CABP1: variants seen among roughly 807,000 people sequenced by gnomAD.
CABP1 encodes calcium binding protein 1.
CABP1 carries 17 observed loss-of-function variants against 34.3 expected under a neutral mutation model. The ratio of observed to expected loss-of-function variants is 0.50; its 90% CI spans 0.34 to 0.74. The LOEUF (loss-of-function observed/expected upper bound fraction) is 0.74. Ranked by LOEUF, CABP1 falls within the 30% of genes least tolerant of loss-of-function variation. CABP1 has a pLI of 0.01. For missense variants in CABP1, 373 were observed against 511.1 expected, an observed-to-expected ratio of 0.73 and a Z score of 2.61; for synonymous variants, 198 against 229.2, an observed-to-expected ratio of 0.86 and a Z score of 1.23.
At position 120,660,327 on chromosome 12, in the gene CABP1, A is replaced by T; in HGVS notation, c.817A>T (p.Ile273Phe). 1 of 1,612,908 alleles carries T rather than the reference A, an allele frequency of 6.2e-7. No homozygotes were observed. The highest frequency in any genetic ancestry group is 8.5e-7 in the Non-Finnish European group (1 of 1,179,870). The change falls in exon 3 of 6, where the codon ATC (isoleucine) becomes TTC (phenylalanine). Residue 273 changes from isoleucine (I) to phenylalanine (F), a missense_variant. By Grantham distance (21) the Ile-to-Phe change is conservative (BLOSUM62 0). Coordinates refer to ENST00000316803, the MANE Select transcript of CABP1 (RefSeq NM_001033677.2). The surrounding 1 kb of genome is among the most constrained non-coding windows in gnomAD (Gnocchi z 5.0). ...EMELIELSQQINMNLGGHVDF... is the reference protein window; with the variant it reads ...EMELIELSQQFNMNLGGHVDF... ...GGAGCTCATCGAACTGTCCCAGCAG[A>T]TCAACATGAACCGTGAGTCCCTCTA...
Position 120,657,874 on chromosome 12 carries a change from C to T in CABP1, c.655-2004C>T, listed in dbSNP as rs980387508. 2.6e-5 allele frequency among the ~76,000 whole-genome samples: 4 copies of T among 152,216 alleles called. No homozygotes were observed. In the South Asian group the frequency reaches 6.2e-4, roughly 24 times the overall value. On this transcript the variant is annotated intron_variant, in intron 1 of 5. Transcript: ENST00000316803. ...GTGGGAGGCTGCTTAAGGCCTGATG[C>T]GTGGGAAAGGATTTATTGGGTCTCA...
At chr12:120,642,745 G>A (rs1879393142) in intron 1 of CABP1, among the ~76,000 whole-genome samples, 1 of 152,048 alleles carries the variant, frequency 6.6e-6, no homozygotes, top group Non-Finnish European at 1.5e-5. Flanking sequence ...AGGAATGCTG[G>A]GTTGTTGAAT....
At chr12:120,663,973 G>T (rs1009706603) in intron 5 of CABP1, among the ~76,000 whole-genome samples, 1 of 152,260 alleles carries the variant, frequency 6.6e-6, no homozygotes, top group Admixed American at 6.5e-5. Flanking sequence ...TGAGTGTCCA[G>T]AACACAAAGG....
chr12:120,656,178 T>C (rs759342165), intron 1 of CABP1: 1 of 1,613,748 alleles, frequency 6.2e-7, no homozygotes, highest in Non-Finnish European at 8.5e-7. Context: ...CCGGGACCGC[T>C]CCTGATGCTG....
At chr12:120,680,585 A>C in the CABP1 span, among the ~76,000 whole-genome samples, 1 of 152,144 alleles carries the variant, frequency 6.6e-6, no homozygotes, top group African/African-American at 2.4e-5. Context: ...CTGGAGCCCA[A>C]ATTCCTCATT....
intron 1 of CABP1, 163 bp from the exon 2 acceptor site, chr12:120,659,714 TG>T: frequency 1.7e-6 from 1 of 603,240 alleles, no homozygotes. Flanking sequence ...AAGGGAGATG[TG>T]GGGCTTTCTT....
At chr12:120,657,943 C>T (rs899895404) in intron 1 of CABP1, among the ~76,000 whole-genome samples, 3 of 152,180 alleles carry the variant, frequency 2.0e-5, no homozygotes, top group East Asian at 3.8e-4. Flanking sequence ...TGTGTACACA[C>T]GTGTGCTTAC....
intron 1 of CABP1, among the ~76,000 whole-genome samples, chr12:120,657,041 T>C (rs959881503): frequency 1.3e-5 from 2 of 152,250 alleles, no homozygotes; most frequent in Non-Finnish European, 2.9e-5. Context: ...TACGTGGCAC[T>C]GTCCGGTAGA....
chr12:120,656,276 C>T lies in CABP1; in HGVS notation c.655-3602C>T, dbSNP rs373645318. The T allele has an allele frequency of 3.9e-4, 598 of 1,539,348 alleles. 1 individual carries two copies. The highest frequency in any genetic ancestry group is 4.9e-4 in the Non-Finnish European group (558 of 1,140,924). On this transcript the variant is annotated intron_variant, in intron 1 of 5. Transcript: ENST00000316803. The stretch of plus-strand genomic sequence containing the variant: ...CTTCGCTGAGAACAGGCAGCCTGTA[C>T]GTAAGTTGGCCCAGTGGAGCCCGCT...
At chr12:120,663,803 TG>T (rs1027217027) in intron 5 of CABP1, among the ~76,000 whole-genome samples, 2 of 152,202 alleles carry the variant, frequency 1.3e-5, no homozygotes, top group African/African-American at 4.8e-5. Flanking sequence ...GAGGCAGAGC[TG>T]GGGCACAGCC....
chr12:120,677,087 T>G, the CABP1 span, among the ~76,000 whole-genome samples: 1 of 144,148 alleles, frequency 6.9e-6, no homozygotes, highest in African/African-American at 2.5e-5. Context: ...GTTTGTGGTT[T>G]TTTTTTTTTT....
rs201926771 is a variant in CABP1, at chr12:120,656,142, A to T, written c.655-3736A>T. 16 of 1,614,092 alleles carry T rather than the reference A, an allele frequency of 9.9e-6. No individual in the cohort carries two copies. In the Admixed American group the frequency reaches 2.0e-4, roughly 20 times the overall value. On this transcript the variant is annotated intron_variant, in intron 1 of 5. Transcript: ENST00000316803. The stretch of plus-strand genomic sequence containing the variant: ...TACATGGTGGTGCAGACGAGCGAGG[A>T]GGGGCTGGCGGCTGACGCCGAGCTC...
At chr12:120,670,777 A>G (rs192324542), downstream of CABP1, among the ~76,000 whole-genome samples, 135 of 152,230 alleles carry the variant, frequency 8.9e-4, no homozygotes, top group Non-Finnish European at 6.8e-4. Flanking sequence ...TCTTTGTCTG[A>G]AAGCTCTTTT....
Position 120,655,900 on chromosome 12 carries a change from C to T in CABP1, c.655-3978C>T, listed in dbSNP as rs1326288429. 2.6e-6 allele frequency: 4 copies of T among 1,536,306 alleles called. No homozygotes were observed. In the Admixed American group the frequency reaches 5.9e-5, roughly 23 times the overall value. ...CACATTCAGCTCTCCCCGGAACCAC[C>T]ATTTCCGTCAAGGATTGGAGACTCT... is the stretch of plus-strand genomic sequence containing the variant. On this transcript the variant is annotated intron_variant, in intron 1 of 5. Transcript: ENST00000316803.
At chr12:120,680,007 A>C in the CABP1 span, among the ~76,000 whole-genome samples, 1 of 152,056 alleles carries the variant, frequency 6.6e-6, no homozygotes, top group African/African-American at 2.4e-5. Context: ...CCCCATCTCT[A>C]CTAGAAGTAC....
At chr12:120,657,164 A>G (rs1880282866) in intron 1 of CABP1, among the ~76,000 whole-genome samples, 1 of 152,306 alleles carries the variant, frequency 6.6e-6, no homozygotes, top group African/African-American at 2.4e-5. Context: ...AAGGAACTGA[A>G]TTATGGATTT....
chr12:120,653,241 C>T (rs1879959841), intron 1 of CABP1, among the ~76,000 whole-genome samples: 4 of 152,192 alleles, frequency 2.6e-5, no homozygotes. Context: ...TCATCATCGC[C>T]ATCATTGCCA....
chr12:120,664,768 T>C (rs1274042333), intron 5 of CABP1, among the ~76,000 whole-genome samples: 3 of 151,512 alleles, frequency 2.0e-5, no homozygotes, highest in Non-Finnish European at 4.4e-5. Context: ...TCCCAGCACT[T>C]GGGAGGCTGA....
chr12:120,655,846 T>G, intron 1 of CABP1: 1 of 1,507,990 alleles, frequency 6.6e-7, no homozygotes, highest in Non-Finnish European at 8.9e-7. Context: ...TGTGTGTGTG[T>G]GTGTGCGCAT....
Sources: gnomAD v4.1 joint callset for allele counts (sites outside exome capture counted in the v4.1 genomes callset) on GRCh38, gnomAD v4.1.1 for gene constraint, Gnocchi (gnomAD v3.1) non-coding constraint, MANE v1.5 for transcripts, NCBI Gene and HGNC (gene_info 2026-07-23, HGNC 2026-07-21) for gene names.